The following CLVS1 variants were observed in gnomAD, a reference collection of about 807,000 sequenced individuals.
CLVS1 encodes the protein clavesin 1, also known as clavesin-1.
Under a neutral mutation model 33.1 loss-of-function variants are expected in CLVS1, and 10 were observed. That is an observed-to-expected ratio of 0.30 (90% CI 0.19 to 0.51). The LOEUF is 0.51. Among genes scored for constraint, CLVS1 ranks in the 20% least tolerant of loss-of-function variants. CLVS1 has a pLI of 0.97. For synonymous variants in CLVS1, 163 were observed against 166.1 expected, an observed-to-expected ratio of 0.98 and a Z score of 0.14; for missense variants, 343 against 433.4, an observed-to-expected ratio of 0.79 and a Z score of 1.85.
rs147361335 is a variant in CLVS1 at position 61,448,665 on chromosome 8, C to T, written c.631-5476C>T. Among the ~76,000 whole-genome samples, 612 of 150,878 alleles carry T rather than the reference C, an allele frequency of 4.1e-3. 2 individuals are homozygous for T. Among genetic ancestry groups the T allele is most frequent in the African/African-American group, 0.013 (538 of 40,982 alleles). ...CTGAGGCAAAAGGATCACTTGAGGC[C>T]GGGAGTCTGAGACCAGCCTGGGCAA... On this transcript the variant is annotated intron_variant, in intron 3 of 5. Coordinates refer to ENST00000325897, the MANE Select transcript of CLVS1 (RefSeq NM_173519.3).
chr8:61,020,238 A>G, the CLVS1 span, among the ~76,000 whole-genome samples: 2,667 of 152,342 alleles, frequency 0.018, 72 homozygotes, highest in African/African-American at 0.06. Flanking sequence ...AGAGAGAAGG[A>G]TTATTGAATA....
intron 2 of CLVS1, among the ~76,000 whole-genome samples, chr8:61,315,496 T>C (rs1810977647): frequency 1.3e-5 from 2 of 152,202 alleles, no homozygotes; most frequent in African/African-American, 2.4e-5. Context: ...CATCGTGATA[T>C]ACATGACTGT....
At chr8:61,344,434 A>G (rs1031074562) in intron 2 of CLVS1, among the ~76,000 whole-genome samples, 5 of 152,188 alleles carry the variant, frequency 3.3e-5, no homozygotes, top group African/African-American at 1.2e-4. Flanking sequence ...GAGAGAGAAC[A>G]ATGCAAGATT....
rs143437972 is a variant in CLVS1 at position 61,249,031 on chromosome 8, G to A, written c.-151-50646G>A. Among the ~76,000 whole-genome samples, 1,036 of 152,076 alleles carry A rather than the reference G, an allele frequency of 6.8e-3. 13 individuals are homozygous for A. The highest frequency in any genetic ancestry group is 0.023 in the African/African-American group (965 of 41,494). On this transcript the variant is annotated intron_variant, in intron 2 of 2. Transcript: ENST00000522621. The stretch of plus-strand genomic sequence containing the variant: ...CTGCACCCATCAACCTGTCACCTAC[G>A]TTAGATATTTCTCCTAATGCTATTC...
At chr8:61,001,092 C>A in the CLVS1 span, among the ~76,000 whole-genome samples, 708 of 152,282 alleles carry the variant, frequency 4.6e-3, 6 homozygotes, top group African/African-American at 0.016. Flanking sequence ...AACTTCCCAG[C>A]TCAAAAACCT....
the CLVS1 span, among the ~76,000 whole-genome samples, chr8:60,977,601 T>A: frequency 1.3e-5 from 2 of 151,946 alleles, 1 homozygote; most frequent in South Asian, 4.1e-4. Context: ...CAAAATGAAC[T>A]TGAGACAATT....
At chr8:61,420,617 A>T (rs188598569) in intron 3 of CLVS1, among the ~76,000 whole-genome samples, 1 of 151,266 alleles carries the variant, frequency 6.6e-6, no homozygotes, top group East Asian at 2.0e-4. Flanking sequence ...TAGAAAAAAA[A>T]GTCATTATTT....
intron 2 of CLVS1, among the ~76,000 whole-genome samples, chr8:61,316,315 G>A (rs1462082224): frequency 6.6e-6 from 1 of 152,128 alleles, no homozygotes; most frequent in African/African-American, 2.4e-5. Context: ...TGGCTACTGC[G>A]AATACATGAA....
chr8:61,090,427 A>G (rs1805218371), intron 1 of CLVS1, among the ~76,000 whole-genome samples: 1 of 152,174 alleles, frequency 6.6e-6, no homozygotes, highest in Non-Finnish European at 1.5e-5. Context: ...ACTGAACAGG[A>G]CAAGAGAGGA....
At chr8:61,391,615 C>T (rs1449997146) in intron 3 of CLVS1, among the ~76,000 whole-genome samples, 6 of 151,960 alleles carry the variant, frequency 3.9e-5, no homozygotes, top group Non-Finnish European at 8.8e-5. Context: ...TGTGAAATAA[C>T]CAAGAAGATT....
At chr8:61,328,466 C>T (rs1038029615) in intron 2 of CLVS1, among the ~76,000 whole-genome samples, 1 of 152,058 alleles carries the variant, frequency 6.6e-6, no homozygotes, top group Non-Finnish European at 1.5e-5. Context: ...TCAAGGTGGG[C>T]AGGCTGCCCT....
intron 5 of CLVS1, among the ~76,000 whole-genome samples, chr8:61,495,266 C>G (rs1353862598): frequency 6.6e-6 from 1 of 152,128 alleles, no homozygotes; most frequent in East Asian, 1.9e-4. Context: ...AATGGGGGTG[C>G]CTGTCACAAT....
chr8:61,201,565 T>C (rs1807732840), intron 2 of CLVS1, among the ~76,000 whole-genome samples: 1 of 152,228 alleles, frequency 6.6e-6, no homozygotes, highest in African/African-American at 2.4e-5. Flanking sequence ...AACCTTTCTT[T>C]CTAGCATAAA....
intron 2 of CLVS1, among the ~76,000 whole-genome samples, chr8:61,336,837 A>G (rs1410961196): frequency 1.3e-5 from 2 of 152,224 alleles, no homozygotes; most frequent in Non-Finnish European, 2.9e-5. Flanking sequence ...AGGGCAAAAA[A>G]TGAGTGTCAT....
At chr8:61,248,711 T>C (rs1435742418) in intron 2 of CLVS1, among the ~76,000 whole-genome samples, 1 of 152,132 alleles carries the variant, frequency 6.6e-6, no homozygotes, top group Non-Finnish European at 1.5e-5. Flanking sequence ...TAGACAATGC[T>C]TAGAGTGCAA....
intron 3 of CLVS1, among the ~76,000 whole-genome samples, chr8:61,442,469 G>T (rs1002563669): frequency 2.7e-4 from 41 of 152,256 alleles, no homozygotes; most frequent in African/African-American, 9.4e-4. Context: ...GAGTACAATT[G>T]CTGGGTCATA....
At chr8:61,293,482 T>C (rs909257987) in intron 1 of CLVS1, among the ~76,000 whole-genome samples, 2 of 152,140 alleles carry the variant, frequency 1.3e-5, no homozygotes, top group African/African-American at 4.8e-5. Flanking sequence ...GAGATTTAAA[T>C]ATAGGCTAAA....
chr8:61,278,435 A>C, intron 2 of CLVS1, among the ~76,000 whole-genome samples: 1 of 152,198 alleles, frequency 6.6e-6, no homozygotes, highest in East Asian at 1.9e-4. Flanking sequence ...ACAATTTTAA[A>C]AGGATCCTCG....
At chr8:61,019,597 G>A in the CLVS1 span, among the ~76,000 whole-genome samples, 1 of 152,156 alleles carries the variant, frequency 6.6e-6, no homozygotes, top group Non-Finnish European at 1.5e-5. Context: ...TTAAGAGAGA[G>A]TCTCACTCTC....
Sources: allele counts gnomAD v4.1 joint callset (sites outside exome capture counted in the v4.1 genomes callset), GRCh38; gene constraint gnomAD v4.1.1; transcripts MANE v1.5; gene names NCBI Gene and HGNC (gene_info 2026-07-23, HGNC 2026-07-21).